The following CADM1 variants were observed in gnomAD, a reference collection of about 807,000 sequenced individuals.
CADM1 encodes the protein cell adhesion molecule 1.
In CADM1, 15 loss-of-function variants were observed where a neutral mutation model predicts 53.1. The ratio of observed to expected loss-of-function variants is 0.28; its 90% confidence interval spans 0.19 to 0.44. CADM1 has a LOEUF of 0.44. Among genes scored for constraint, CADM1 ranks in the 20% least tolerant of loss-of-function variants. The pLI is 1.00. For synonymous variants in CADM1, 281 were observed against 243.0 expected (o/e 1.16, Z -1.45); for missense variants, 434 against 611.3 (o/e 0.71, Z 3.06).
intron 9 of CADM1, among the ~76,000 whole-genome samples, chr11:115,198,091 G>C (rs143944528): frequency 1.3e-5 from 2 of 152,124 alleles, no homozygotes; most frequent in African/African-American, 4.8e-5. Flanking sequence ...GCGAATACTC[G>C]TTTGTTTGAA....
chr11:115,273,402 C>T (rs1196456113), intron 1 of CADM1, among the ~76,000 whole-genome samples: 1 of 152,080 alleles, frequency 6.6e-6, no homozygotes, highest in Non-Finnish European at 1.5e-5. Flanking sequence ...TGCTACCTTT[C>T]AAAATAGCTC....
At chr11:115,408,178 C>T (rs1313131476) in intron 1 of CADM1, among the ~76,000 whole-genome samples, 1 of 152,020 alleles carries the variant, frequency 6.6e-6, no homozygotes, top group East Asian at 1.9e-4. Context: ...TAAACAAAAG[C>T]CCCACTCTTT....
rs1302248543 is a variant in CADM1 at position 115,174,344 on chromosome 11, C to G, written c.*2130G>C. The G allele has an allele frequency of 1.0e-6, 1 of 984,732 alleles. No individual in the cohort carries two copies. Among genetic ancestry groups the G allele is most frequent in the African/African-American group, 1.8e-5 (1 of 56,942 alleles). 61.0% of individuals were successfully genotyped at this position (984,732 alleles called of 1,614,324 possible). A position where few individuals can be genotyped will look rare whatever the true frequency, so the allele number is the denominator to read the frequency against. ...TGAAAAAAAACCTTTCAACAACATG[C>G]TAAATGATTCTCACCCTTTGATATG... On this transcript the variant is annotated 3_prime_UTR_variant, in exon 12 of 12. Coordinates refer to ENST00000331581, the MANE Select transcript of CADM1 (RefSeq NM_001301043.2).
At chr11:115,211,407 CTATATCTACT>C (rs1196531750) in intron 7 of CADM1, among the ~76,000 whole-genome samples, 1 of 150,328 alleles carries the variant, frequency 6.7e-6, no homozygotes, top group Non-Finnish European at 1.5e-5. Flanking sequence ...GCTTCAATTA[CTATATCTACT>C]ACTGAAAAGG....
At chr11:115,265,950 G>A (rs1352519781) in intron 1 of CADM1, among the ~76,000 whole-genome samples, 1 of 152,184 alleles carries the variant, frequency 6.6e-6, no homozygotes, top group East Asian at 1.9e-4. Context: ...ACATCATGAG[G>A]AAGCTTGTTA....
intron 1 of CADM1, among the ~76,000 whole-genome samples, chr11:115,311,883 C>T (rs2135164174): frequency 6.6e-6 from 1 of 152,220 alleles, no homozygotes; most frequent in South Asian, 2.1e-4. Context: ...CAGAAATCAC[C>T]AATACCAACT....
At chr11:115,403,551 A>ATT (rs370162116) in intron 1 of CADM1, among the ~76,000 whole-genome samples, 1 of 149,452 alleles carries the variant, frequency 6.7e-6, no homozygotes, top group African/African-American at 2.4e-5. Flanking sequence ...TGTTTTTGCA[A>ATT]TTTTTTTTTT....
chr11:115,221,863 G>T (rs75003959), intron 5 of CADM1, among the ~76,000 whole-genome samples: 1 of 152,092 alleles, frequency 6.6e-6, no homozygotes, highest in Non-Finnish European at 1.5e-5. Context: ...ACATGCCAGC[G>T]GGAGACCTAT....
At chr11:115,182,056 A>G (rs1939338644) in intron 10 of CADM1, among the ~76,000 whole-genome samples, 1 of 152,222 alleles carries the variant, frequency 6.6e-6, no homozygotes, top group Non-Finnish European at 1.5e-5. Context: ...TAAGTGGGAA[A>G]GCTATGGGTT....
At chr11:115,278,551 A>G (rs1292234350) in intron 1 of CADM1, among the ~76,000 whole-genome samples, 1 of 152,186 alleles carries the variant, frequency 6.6e-6, no homozygotes, top group Non-Finnish European at 1.5e-5. Flanking sequence ...ACTTTATCCT[A>G]TAGATGTTGA....
chr11:115,471,838 G>A lies in CADM1; in HGVS notation c.124+32433C>T, dbSNP rs1321358158. ...AGTGGGGGAGAAGGAAGACACCATG[G>A]ATGGAATGAATAGCAAGACCAGTGG... On this transcript the variant is annotated intron_variant, in intron 1 of 11. Transcript: ENST00000331581. Among the ~76,000 whole-genome samples the A allele has an allele frequency of 2.0e-5, 3 of 152,316 alleles. 1 individual carries two copies. The South Asian group carries it at 6.2e-4, about 32-fold the overall frequency.
chr11:115,424,034 G>A (rs997504148), intron 1 of CADM1, among the ~76,000 whole-genome samples: 16 of 152,114 alleles, frequency 1.1e-4, no homozygotes, highest in African/African-American at 3.6e-4. Context: ...GAGTACCAGG[G>A]GATGGTTCCC....
chr11:115,240,513 A>T, intron 1 of CADM1, 93 bp from the exon 2 acceptor site: 1 of 1,319,020 alleles, frequency 7.6e-7, no homozygotes, highest in Non-Finnish European at 1.1e-6. Context: ...GGCATATTAG[A>T]AAATGAACAC....
At chr11:115,277,384 T>A (rs1943473515) in intron 1 of CADM1, among the ~76,000 whole-genome samples, 1 of 152,162 alleles carries the variant, frequency 6.6e-6, no homozygotes, top group Non-Finnish European at 1.5e-5. Context: ...CAGAACACTA[T>A]CATTAATAAT....
intron 7 of CADM1, 138 bp from the exon 8 acceptor site, chr11:115,209,795 C>A (rs1300605700): frequency 1.0e-6 from 1 of 1,002,596 alleles, no homozygotes; most frequent in Non-Finnish European, 1.5e-6. Flanking sequence ...TCTTTCCCTG[C>A]AAGATTTATG....
At position 115,214,447 on chromosome 11, in the gene CADM1, T is replaced by A. The variant is rs554167831; in HGVS notation, c.994+161A>T. On this transcript the variant is annotated intron_variant, in intron 7 of 11. Coordinates refer to ENST00000331581, the MANE Select transcript of CADM1 (RefSeq NM_001301043.2). ...AGAGAAGAAAAGTCACTATCCCAGG[T>A]GGAGACACTAGGGTCCACCTCAGGC... The A allele has an allele frequency of 2.4e-4, 163 of 676,250 alleles. 4 individuals carry two copies. In the South Asian group the frequency reaches 2.8e-3, roughly 12 times the overall value. The allele number at this position is 676,250 out of a possible 1,614,324, so 41.9% of individuals were successfully genotyped here. A position where few individuals can be genotyped will look rare whatever the true frequency, so the allele number is the denominator to read the frequency against.
At position 115,333,901 on chromosome 11, in the gene CADM1, T is replaced by C. The variant is rs374432743; in HGVS notation, c.125-93481A>G. ...GTTATTTTGAAAACAATCAGCTGAA[T>C]TGAGTCAAAAAACTGACCAGTGGGC... is the stretch of plus-strand genomic sequence containing the variant. On this transcript the variant is annotated intron_variant, in intron 1 of 11. Coordinates refer to ENST00000331581, the MANE Select transcript of CADM1 (RefSeq NM_001301043.2). Among the ~76,000 whole-genome samples, 9 of 152,262 alleles carry C rather than the reference T, an allele frequency of 5.9e-5. No individual in the cohort carries two copies. In the East Asian group the frequency reaches 1.2e-3, roughly 20 times the overall value.
intron 1 of CADM1, among the ~76,000 whole-genome samples, chr11:115,404,946 A>G (rs1052698162): frequency 6.6e-6 from 1 of 152,186 alleles, no homozygotes; most frequent in Non-Finnish European, 1.5e-5. Flanking sequence ...CAACAGGCCA[A>G]TAAATGTGAA....
At chr11:115,298,251 G>T (rs1163973213) in intron 1 of CADM1, among the ~76,000 whole-genome samples, 1 of 152,156 alleles carries the variant, frequency 6.6e-6, no homozygotes, top group Non-Finnish European at 1.5e-5. Flanking sequence ...TTTAACACTT[G>T]TTATTTGTCT....
Sources: allele counts gnomAD v4.1 joint callset (sites outside exome capture counted in the v4.1 genomes callset), GRCh38; gene constraint gnomAD v4.1.1; transcripts MANE v1.5; gene names NCBI Gene and HGNC (gene_info 2026-07-23, HGNC 2026-07-21).